NRCAM: variants seen among roughly 807,000 people sequenced by gnomAD.
NRCAM encodes neuronal cell adhesion molecule.
In NRCAM, 83 loss-of-function variants were observed where a neutral mutation model predicts 156.5. The ratio of observed to expected loss-of-function variants is 0.53; its 90% CI spans 0.44 to 0.64. The LOEUF (loss-of-function observed/expected upper bound fraction) is 0.64. Ranked by LOEUF, NRCAM falls within the 30% of genes least tolerant of loss-of-function variation. The pLI is 0.00. For synonymous variants in NRCAM, 538 were observed against 563.9 expected (o/e 0.95, Z 0.65); for missense variants, 1,417 against 1,597.3 (o/e 0.89, Z 1.92).
At chr7:108,428,009 T>C (rs966829334) in intron 1 of NRCAM, among the ~76,000 whole-genome samples, 1 of 152,170 alleles carries the variant, frequency 6.6e-6, no homozygotes, top group East Asian at 1.9e-4. Flanking sequence ...AAAGTATGTA[T>C]AATAAAAAGG....
chr7:108,272,528 A>G (rs1442572271), intron 3 of NRCAM, among the ~76,000 whole-genome samples: 3 of 152,186 alleles, frequency 2.0e-5, no homozygotes, highest in Non-Finnish European at 4.4e-5. Flanking sequence ...CTGAAGAGTT[A>G]CTAATATGTT....
chr7:108,454,939 G>T (rs117816778), intron 1 of NRCAM, among the ~76,000 whole-genome samples: 1 of 152,256 alleles, frequency 6.6e-6, no homozygotes, highest in South Asian at 2.1e-4. Flanking sequence ...CTGATGCGAA[G>T]AAAAGGGAAG....
intron 1 of NRCAM, among the ~76,000 whole-genome samples, chr7:108,439,874 T>C (rs1175559108): frequency 6.9e-6 from 1 of 143,974 alleles, no homozygotes; most frequent in East Asian, 2.0e-4. Flanking sequence ...ATACTAAAGA[T>C]TGGCAAGGAT....
chr7:108,209,646 C>G, intron 11 of NRCAM, 41 bp from the exon 12 acceptor site: 2 of 1,384,192 alleles, frequency 1.4e-6, no homozygotes, highest in East Asian at 5.0e-5. Flanking sequence ...AAAAAGGAAT[C>G]CACCTATGAC....
intron 3 of NRCAM, among the ~76,000 whole-genome samples, chr7:108,254,308 A>G (rs1222390075): frequency 1.3e-5 from 2 of 152,236 alleles, no homozygotes; most frequent in Non-Finnish European, 1.5e-5. Context: ...AAATTTCATT[A>G]GAGATTTCTC....
chr7:108,339,559 G>A (rs943551442), intron 2 of NRCAM, among the ~76,000 whole-genome samples: 1 of 152,108 alleles, frequency 6.6e-6, no homozygotes, highest in Non-Finnish European at 1.5e-5. Context: ...AGGCAATGTT[G>A]GGCATGCTGG....
chr7:108,167,002 C>A lies in NRCAM; in HGVS notation c.3385G>T (p.Gly1129Ter). Residue 1129 changes from glycine (G) to a stop codon, truncating the protein, a stop_gained, in exon 30 of 33, where the codon GGA becomes TGA. Transcript: ENST00000379028. LOFTEE classifies it high-confidence loss of function. ...SFFGLKGLMPGTAYKVRVGAV... is the reference protein window; with the variant it reads ...SFFGLKGLMP The stretch of plus-strand genomic sequence containing the variant: ...CCAACTCGAACTTTGTATGCTGTTC[C>A]TGGCATTAGACCCTTTAACCCAAAG... 1 of 1,613,876 alleles carries A rather than the reference C, an allele frequency of 6.2e-7. No homozygotes were observed. The highest frequency in any genetic ancestry group is 8.5e-7 in the Non-Finnish European group (1 of 1,179,780).
At chr7:108,196,420 T>C (rs1253837720) in intron 14 of NRCAM, among the ~76,000 whole-genome samples, 1 of 152,052 alleles carries the variant, frequency 6.6e-6, no homozygotes, top group African/African-American at 2.4e-5. Context: ...GAGAAAACAT[T>C]TGCAAACCAT....
intron 28 of NRCAM, among the ~76,000 whole-genome samples, chr7:108,169,179 T>G (rs1563232242): frequency 6.6e-6 from 1 of 152,234 alleles, no homozygotes; most frequent in Non-Finnish European, 1.5e-5. Flanking sequence ...CCTAAATAGC[T>G]TCTTAAAAAT....
chr7:108,351,410 C>T (rs759177390), intron 2 of NRCAM, among the ~76,000 whole-genome samples: 20 of 152,158 alleles, frequency 1.3e-4, no homozygotes, highest in Non-Finnish European at 2.4e-4. Context: ...CAACTTACTC[C>T]CCAGAGACAT....
chr7:108,352,816 C>T (rs2099428397), intron 2 of NRCAM, among the ~76,000 whole-genome samples: 1 of 152,110 alleles, frequency 6.6e-6, no homozygotes, highest in Non-Finnish European at 1.5e-5. Context: ...GAATTGTTCT[C>T]TTTTCCCCAA....
chr7:108,402,621 G>C (rs1465525778), intron 1 of NRCAM, among the ~76,000 whole-genome samples: 1 of 152,170 alleles, frequency 6.6e-6, no homozygotes, highest in Non-Finnish European at 1.5e-5. Context: ...ATATGAAGCT[G>C]AATCTCTCTT....
chr7:108,377,276 CACTT>C (rs2099680184), intron 2 of NRCAM, among the ~76,000 whole-genome samples: 2 of 152,150 alleles, frequency 1.3e-5, no homozygotes, highest in South Asian at 4.1e-4. Context: ...CACAAAAACT[CACTT>C]AGCAAACAAA....
At chr7:108,219,169 A>G (rs1435001793) in intron 11 of NRCAM, among the ~76,000 whole-genome samples, 1 of 152,206 alleles carries the variant, frequency 6.6e-6, no homozygotes, top group African/African-American at 2.4e-5. Flanking sequence ...GAAAAGTTAG[A>G]TACCTTAAAC....
At chr7:108,323,157 C>T (rs2099022773) in intron 2 of NRCAM, among the ~76,000 whole-genome samples, 2 of 152,296 alleles carry the variant, frequency 1.3e-5, no homozygotes, top group African/African-American at 4.8e-5. Flanking sequence ...AATACAAGCG[C>T]CCTCTGACCT....
chr7:108,348,937 T>C (rs2099390542), intron 2 of NRCAM, among the ~76,000 whole-genome samples: 1 of 149,912 alleles, frequency 6.7e-6, no homozygotes. Context: ...GGAAAGTCTT[T>C]AGGGGCAGCC....
intron 3 of NRCAM, among the ~76,000 whole-genome samples, chr7:108,298,652 C>CA (rs202220852): frequency 0.079 from 11,548 of 146,564 alleles, 474 homozygotes; most frequent in East Asian, 0.11. Flanking sequence ...GACTCCATCT[C>CA]AAAAAAAACC....
intron 3 of NRCAM, among the ~76,000 whole-genome samples, chr7:108,257,373 A>C (rs947360209): frequency 6.6e-6 from 1 of 152,214 alleles, no homozygotes; most frequent in South Asian, 2.1e-4. Flanking sequence ...TAAATAAGAA[A>C]GTTAACTGGA....
intron 32 of NRCAM, among the ~76,000 whole-genome samples, chr7:108,155,949 C>T (rs1056861210): frequency 1.3e-5 from 2 of 151,968 alleles, no homozygotes; most frequent in Non-Finnish European, 2.9e-5. Flanking sequence ...GAAGTGTGCA[C>T]ATCTGTTAAA....
Sources: allele counts gnomAD v4.1 joint callset (sites outside exome capture counted in the v4.1 genomes callset), GRCh38; gene constraint gnomAD v4.1.1; transcripts MANE v1.5; gene names NCBI Gene and HGNC (gene_info 2026-07-23, HGNC 2026-07-21).